The following TULP4 variants were observed in gnomAD, a reference collection of about 807,000 sequenced individuals.
TULP4 encodes the protein tubby-related protein 4.
In TULP4, 16 loss-of-function variants were observed where a neutral mutation model predicts 129.0. That is an observed-to-expected ratio of 0.12 (90% CI 0.08 to 0.19). TULP4 has a LOEUF of 0.19. Ranked by LOEUF, TULP4 falls within the 10% of genes least tolerant of loss-of-function variation. TULP4 has a pLI of 1.00. For synonymous variants in TULP4, 998 were observed against 854.0 expected (o/e 1.17, Z -2.94); for missense variants, 1,842 against 2,059.1 (o/e 0.89, Z 2.04).
intron 1 of TULP4, among the ~76,000 whole-genome samples, chr6:158,365,875 C>CTTTTTTTTTT (rs765731288): frequency 1.7e-4 from 12 of 71,114 alleles, no homozygotes; most frequent in Non-Finnish European, 2.1e-4. Context: ...GTTCGTTTTT[C>CTTTTTTTTTT]TTTTTTTTTT....
At chr6:158,268,981 A>G (rs1045030695) in intron 1 of TULP4, among the ~76,000 whole-genome samples, 6 of 152,204 alleles carry the variant, frequency 3.9e-5, no homozygotes, top group African/African-American at 9.6e-5. Flanking sequence ...CTGCACTAGA[A>G]TTGGAGAGTG....
chr6:158,335,828 A>G (rs1379161004), intron 1 of TULP4, among the ~76,000 whole-genome samples: 1 of 152,198 alleles, frequency 6.6e-6, no homozygotes, highest in Non-Finnish European at 1.5e-5. Context: ...ATATCGTAGT[A>G]CTATATTTTA....
At chr6:158,454,464 G>A (rs1779246661) in intron 5 of TULP4, among the ~76,000 whole-genome samples, 1 of 152,118 alleles carries the variant, frequency 6.6e-6, no homozygotes, top group African/African-American at 2.4e-5. Context: ...CAAATATCTG[G>A]TGAAGGCTGA....
intron 1 of TULP4, among the ~76,000 whole-genome samples, chr6:158,368,203 A>G (rs532485037): frequency 1.3e-5 from 2 of 152,230 alleles, no homozygotes; most frequent in East Asian, 3.9e-4. Flanking sequence ...CATTATCTGA[A>G]GAGTAATTAT....
At chr6:158,266,773 G>C (rs1450209749) in intron 1 of TULP4, among the ~76,000 whole-genome samples, 3 of 152,310 alleles carry the variant, frequency 2.0e-5, no homozygotes, top group Admixed American at 1.3e-4. Flanking sequence ...TTTTATATGA[G>C]AGACTTGAAC....
intron 1 of TULP4, among the ~76,000 whole-genome samples, chr6:158,297,189 A>G (rs961297101): frequency 3.3e-5 from 5 of 152,074 alleles, no homozygotes; most frequent in African/African-American, 1.2e-4. Context: ...ATTTAATATT[A>G]CTTGCTAGGA....
At position 158,461,721 on chromosome 6, in the gene TULP4, C is replaced by T. The variant is rs1403837682; in HGVS notation, c.1018C>T (p.Leu340Phe). 6.2e-7 allele frequency: 1 copy of T among 1,613,992 alleles called. No homozygotes were observed. Among genetic ancestry groups the T allele is most frequent in the South Asian group, 1.1e-5 (1 of 91,026 alleles). The change falls in exon 6 of 14, where the codon CTC becomes TTC. Residue 340 changes from leucine (L) to phenylalanine (F), a missense_variant. Leu to Phe is a conservative substitution (Grantham distance 22). This residue lies in a region of TULP4 where 456 missense variants were observed against 534.3 expected (regional missense o/e 0.85). Transcript: ENST00000367097. ...RGEHIFTLDT[L>F]VQRPIISICW... ...GGAGCACATCTTCACACTGGACACT[C>T]TCGTGCAGGTAAGGATGTTCTCTGG... is the stretch of plus-strand genomic sequence containing the variant.
At chr6:158,319,740 A>G (rs1376449812) in intron 1 of TULP4, among the ~76,000 whole-genome samples, 1 of 152,244 alleles carries the variant, frequency 6.6e-6, no homozygotes, top group Non-Finnish European at 1.5e-5. Flanking sequence ...GAAATTAAAT[A>G]CTGTGATAAA....
rs543879955 is a variant in TULP4 at position 158,451,382 on chromosome 6, G to A, written c.725-752G>A. 6.8e-4 allele frequency among the ~76,000 whole-genome samples: 103 copies of A among 152,330 alleles called. 1 individual carries two copies. Among genetic ancestry groups the A allele is most frequent in the African/African-American group, 2.2e-3 (92 of 41,572 alleles). ...GACAACTGGCAGGTAGGCCCACCTC[G>A]ATGGCTGCTAAGATGAGCCCAGTGT... On this transcript the variant is annotated intron_variant, in intron 4 of 13. Transcript: ENST00000367097.
intron 1 of TULP4, among the ~76,000 whole-genome samples, chr6:158,393,253 G>C (rs1301542183): frequency 1.3e-5 from 2 of 152,214 alleles, no homozygotes; most frequent in African/African-American, 2.4e-5. Flanking sequence ...CTGTGGCTCT[G>C]TAGGGTACAG....
intron 1 of TULP4, among the ~76,000 whole-genome samples, chr6:158,328,672 G>A (rs571055954): frequency 2.0e-5 from 3 of 152,220 alleles, no homozygotes; most frequent in East Asian, 1.9e-4. Context: ...AGGTGTCCCC[G>A]CTGTGTGGGG....
Position 158,479,851 on chromosome 6 carries a change from G to T in TULP4, c.1127G>T (p.Ser376Ile). 1 of 1,613,966 alleles carries T rather than the reference G, an allele frequency of 6.2e-7. No individual in the cohort carries two copies. Among genetic ancestry groups the T allele is most frequent in the African/African-American group, 1.3e-5 (1 of 75,068 alleles). Reference sequence around the variant, plus strand: ...GTGCGTGTGGAGCACCGGGTGTCCAGCCTGCAGCTGCTGTGCCAGCAGGCC... The same window carrying T: ...GTGCGTGTGGAGCACCGGGTGTCCATCCTGCAGCTGCTGTGCCAGCAGGCC... The part of the protein sequence containing the change: ...YVVRVEHRVS[S>I]LQLLCQQAIA... Residue 376 changes from serine to isoleucine, a missense_variant, in exon 7 of 14, where the codon AGC (serine) becomes ATC (isoleucine). By Grantham distance (142) the Ser-to-Ile change is moderately radical. Transcript: ENST00000367097.
chr6:158,446,087 T>C (rs77851656), intron 3 of TULP4, among the ~76,000 whole-genome samples: 376 of 152,318 alleles, frequency 2.5e-3, no homozygotes, highest in African/African-American at 8.7e-3. Flanking sequence ...GTATTCGTTA[T>C]TATTAGGCTC....
chr6:158,415,528 A>ATT (rs34468141), intron 2 of TULP4, among the ~76,000 whole-genome samples: 102 of 135,652 alleles, frequency 7.5e-4, no homozygotes, highest in Non-Finnish European at 1.2e-3. Context: ...TTTTTTTTGT[A>ATT]TTTTTTTTTT....
upstream of TULP4, among the ~76,000 whole-genome samples, chr6:158,278,944 T>G (rs1283514189): frequency 1.5e-3 from 85 of 56,734 alleles, no homozygotes; most frequent in East Asian, 0.051. Context: ...TTTTTTTGTT[T>G]TTTTTTTTTT....
chr6:158,347,647 G>A (rs933188689), intron 1 of TULP4, among the ~76,000 whole-genome samples: 1 of 152,176 alleles, frequency 6.6e-6, no homozygotes, highest in African/African-American at 2.4e-5. Flanking sequence ...CTTCCTGCCT[G>A]CTGACCTTCC....
At chr6:158,357,946 G>T (rs913796069) in intron 1 of TULP4, among the ~76,000 whole-genome samples, 1 of 152,152 alleles carries the variant, frequency 6.6e-6, no homozygotes, top group African/African-American at 2.4e-5. Flanking sequence ...TGGGTGTGAC[G>T]CTCATTCTTC....
chr6:158,443,962 G>A (rs1014087969), intron 3 of TULP4, among the ~76,000 whole-genome samples: 5 of 152,048 alleles, frequency 3.3e-5, no homozygotes, highest in African/African-American at 9.7e-5. Context: ...GCTCACGCCT[G>A]TAATCCCAGC....
intron 3 of TULP4, among the ~76,000 whole-genome samples, chr6:158,444,003 A>G (rs1778962106): frequency 6.6e-6 from 1 of 152,056 alleles, no homozygotes; most frequent in South Asian, 2.1e-4. Flanking sequence ...GCGGATCACA[A>G]GGTCAGGAGA....
Sources: gnomAD v4.1 joint callset for allele counts (sites outside exome capture counted in the v4.1 genomes callset) on GRCh38, gnomAD v4.1.1 for gene constraint, gnomAD v4.1.1 regional missense constraint, MANE v1.5 for transcripts, NCBI Gene and HGNC (gene_info 2026-07-23, HGNC 2026-07-21) for gene names.